The following RAB9B variants were observed in gnomAD, a reference collection of about 807,000 sequenced individuals.
RAB9B encodes the protein ras-related protein Rab-9B.
RAB9B carries 1 observed loss-of-function variant against 8.9 expected under a neutral mutation model. That is an observed-to-expected ratio of 0.11 (90% CI 0.04 to 0.53). RAB9B has a LOEUF of 0.53. Among genes scored for constraint, RAB9B ranks in the 20% least tolerant of loss-of-function variants. The pLI is 0.93. For synonymous variants in RAB9B, 63 were observed against 57.0 expected (o/e 1.10, Z -0.47); for missense variants, 82 against 152.9 (o/e 0.54, Z 2.45).
chrX:103,785,597 G>A, the RAB9B span: 1 of 1,209,964 alleles, frequency 8.3e-7, no homozygotes, highest in Non-Finnish European at 1.1e-6. Context: ...TTAGAGTGCT[G>A]TGCAAGATGT....
the RAB9B span, chrX:103,779,811 A>G: frequency 8.9e-6 from 1 of 112,405 alleles, no homozygotes; most frequent in Non-Finnish European, 1.9e-5. Flanking sequence ...AGCCAGTAAC[A>G]TCACTTTCCC....
chrX:103,831,809 C>T (rs1258830735), intron 1 of RAB9B, among the ~76,000 whole-genome samples: 1 of 110,395 alleles, frequency 9.1e-6, no homozygotes, highest in East Asian at 2.9e-4. Context: ...CACACCCGCT[C>T]CCCACGGAGC....
intron 1 of RAB9B, 131 bp downstream of exon 1, chrX:103,831,929 C>T (rs1316892453): frequency 1.8e-5 from 2 of 111,673 alleles, no homozygotes; most frequent in African/African-American, 6.5e-5. Context: ...AGTCCCTTTT[C>T]TCAAGCTACG....
chrX:103,823,907 TAAATCTAACCACA>T lies in RAB9B; in HGVS notation c.*1259_*1271del, dbSNP rs2074673015. 2 of 112,423 alleles carry T rather than the reference TAAATCTAACCACA, an allele frequency of 1.8e-5. No homozygotes were observed. The highest frequency in any genetic ancestry group is 6.5e-5 in the African/African-American group (2 of 30,968). The allele number at this position is 112,423 out of a possible 1,213,427, so 9.3% of individuals were successfully genotyped here. A position where few individuals can be genotyped will look rare whatever the true frequency, so the allele number is the denominator to read the frequency against. ...CATAGTCTTAGCTGTTATCATCAGA[TAAATCTAACCACA>T]GCATGGCACTGATGTAGTTTATATA... On this transcript the variant is annotated 3_prime_UTR_variant, in exon 3 of 3. Transcript: ENST00000243298.
Position 103,824,610 on chromosome X carries a change from A to G in RAB9B, c.*569T>C, listed in dbSNP as rs1009155148. The G allele has an allele frequency of 2.7e-5, 3 of 112,260 alleles. No homozygotes were observed. The highest frequency in any genetic ancestry group is 9.7e-5 in the African/African-American group (3 of 30,882). 9.3% of individuals were successfully genotyped at this position (112,260 alleles called of 1,213,427 possible). A position where few individuals can be genotyped will look rare whatever the true frequency, so the allele number is the denominator to read the frequency against. Reference sequence around the variant, plus strand: ...AAGCTCAGATGGGAGCGAACCATACATAAGGATTTAAACAAGTCAGTGTAT... The same window carrying G: ...AAGCTCAGATGGGAGCGAACCATACGTAAGGATTTAAACAAGTCAGTGTAT... On this transcript the variant is annotated 3_prime_UTR_variant, in exon 3 of 3. Coordinates refer to ENST00000243298, the MANE Select transcript of RAB9B (RefSeq NM_016370.4).
chrX:103,792,534 A>T, the RAB9B span: 1 of 112,958 alleles, frequency 8.9e-6, no homozygotes, highest in African/African-American at 3.2e-5. Context: ...TTTAACACAC[A>T]TAAAGGATAA....
chrX:103,808,739 C>T, the RAB9B span, among the ~76,000 whole-genome samples: 3 of 112,862 alleles, frequency 2.7e-5, no homozygotes, highest in East Asian at 8.4e-4. Flanking sequence ...GCCAGGTGAG[C>T]TGGGGCCAGG....
chrX:103,830,477 C>T (rs2074699114), intron 1 of RAB9B, among the ~76,000 whole-genome samples: 1 of 111,798 alleles, frequency 8.9e-6, no homozygotes, highest in Admixed American at 9.4e-5. Flanking sequence ...TGGACCAAAA[C>T]GCTTATTCTG....
chrX:103,822,063 A>G (rs1319280272), downstream of RAB9B, among the ~76,000 whole-genome samples: 1 of 111,678 alleles, frequency 9.0e-6, no homozygotes, highest in East Asian at 2.8e-4. Flanking sequence ...CAATGGAGGG[A>G]CCCTGTCTCT....
the RAB9B span, among the ~76,000 whole-genome samples, chrX:103,800,730 A>G: frequency 8.9e-6 from 1 of 111,732 alleles, no homozygotes; most frequent in Non-Finnish European, 1.9e-5. Context: ...AAAAACTTGG[A>G]GAAATAGGTA....
chrX:103,782,750 G>A, the RAB9B span, among the ~76,000 whole-genome samples: 43 of 109,103 alleles, frequency 3.9e-4, no homozygotes, highest in Non-Finnish European at 7.6e-4. Flanking sequence ...TCTTACCCTC[G>A]GCTAAACAAA....
chrX:103,788,820 T>C, the RAB9B span: 2 of 338,361 alleles, frequency 5.9e-6, no homozygotes, highest in South Asian at 4.3e-5. Context: ...ATTCCTTTAG[T>C]TAAAAACCAT....
chrX:103,817,606 A>G (rs1285063685), downstream of RAB9B, among the ~76,000 whole-genome samples: 4 of 109,756 alleles, frequency 3.6e-5, no homozygotes, highest in Non-Finnish European at 7.6e-5. Context: ...CTCTCTCTAT[A>G]TATACTATAT....
chrX:103,786,084 G>C, the RAB9B span: 2 of 1,062,302 alleles, frequency 1.9e-6, no homozygotes, highest in Non-Finnish European at 2.4e-6. Flanking sequence ...AGAAGCCAAG[G>C]GAGGCACTAA....
the RAB9B span, among the ~76,000 whole-genome samples, chrX:103,798,988 T>C: frequency 9.2e-6 from 1 of 108,941 alleles, no homozygotes; most frequent in Admixed American, 1.0e-4. Flanking sequence ...GAGTAGGTTG[T>C]TTTAGGCAAG....
the RAB9B span, among the ~76,000 whole-genome samples, chrX:103,803,867 C>T: frequency 1.1e-4 from 12 of 112,760 alleles, no homozygotes; most frequent in Admixed American, 2.8e-4. Context: ...TGAGCCACCG[C>T]GTTTGGCCTA....
At chrX:103,786,467 T>G in the RAB9B span, 4 of 1,208,290 alleles carry the variant, frequency 3.3e-6, no homozygotes, top group Non-Finnish European at 4.5e-6. Context: ...TAATGCAGGA[T>G]CCATGCCTTC....
Position 103,825,684 on chromosome X carries a change from G to T in RAB9B, c.101C>A (p.Ser34Tyr). The change falls in exon 3 of 3, where the codon TCC becomes TAC. Residue 34 changes from serine (S) to tyrosine (Y), a missense_variant. By Grantham distance (144) the Ser-to-Tyr change is moderately radical. Transcript: ENST00000243298. ...MNRYVTNKFD[S>Y]QAFHTIGVEF... ...TACCCCTATGGTGTGAAAAGCCTGG[G>T]AGTCAAATTTGTTGGTTACGTAACG... is the stretch of plus-strand genomic sequence containing the variant. 8.3e-7 allele frequency: 1 copy of T among 1,210,362 alleles called. No individual in the cohort carries two copies. Among genetic ancestry groups the T allele is most frequent in the Non-Finnish European group, 1.1e-6 (1 of 894,532 alleles).
chrX:103,814,964 A>C, the RAB9B span, among the ~76,000 whole-genome samples: 1 of 111,990 alleles, frequency 8.9e-6, no homozygotes, highest in Non-Finnish European at 1.9e-5. Flanking sequence ...AACCAAAAAA[A>C]AGTCCAGGAC....
Sources: gnomAD v4.1 joint callset for allele counts (sites outside exome capture counted in the v4.1 genomes callset) on GRCh38, gnomAD v4.1.1 for gene constraint, MANE v1.5 for transcripts, NCBI Gene and HGNC (gene_info 2026-07-23, HGNC 2026-07-21) for gene names.